The following PDE8B variants were observed in gnomAD, a reference collection of about 807,000 sequenced individuals.
PDE8B encodes high affinity cAMP-specific and IBMX-insensitive 3',5'-cyclic phosphodiesterase 8B.
In PDE8B, 26 loss-of-function variants were observed where a neutral mutation model predicts 101.3. The ratio of observed to expected loss-of-function variants is 0.26; its 90% confidence interval spans 0.19 to 0.36. The LOEUF is 0.36. Among genes scored for constraint, PDE8B ranks in the 10% least tolerant of loss-of-function variants. PDE8B has a pLI of 1.00. For missense variants in PDE8B, 810 were observed against 1,163.1 expected (o/e 0.70, Z 4.42); for synonymous variants, 424 against 429.3 (o/e 0.99, Z 0.15).
At chr5:77,102,547 C>T in the PDE8B span, among the ~76,000 whole-genome samples, 14 of 152,150 alleles carry the variant, frequency 9.2e-5, no homozygotes, top group Admixed American at 2.6e-4. Flanking sequence ...AGCTAGGAAG[C>T]GTTGTTCATT....
intron 11 of PDE8B, among the ~76,000 whole-genome samples, chr5:77,402,528 G>T (rs1258388506): frequency 6.6e-6 from 1 of 152,116 alleles, no homozygotes; most frequent in Non-Finnish European, 1.5e-5. Flanking sequence ...TGGTTAAGAA[G>T]GTGGTCTAGA....
intron 1 of PDE8B, among the ~76,000 whole-genome samples, chr5:77,255,740 G>A (rs1759005908): frequency 6.6e-6 from 1 of 152,214 alleles, no homozygotes; most frequent in Non-Finnish European, 1.5e-5. Context: ...AGGCATGTGT[G>A]GGAAGGTTGA....
chr5:77,232,152 A>G (rs1156277077), intron 1 of PDE8B, among the ~76,000 whole-genome samples: 1 of 152,228 alleles, frequency 6.6e-6, no homozygotes, highest in Non-Finnish European at 1.5e-5. Flanking sequence ...ACTTTGAGAA[A>G]TTTTGCAAGC....
chr5:77,157,290 G>A, the PDE8B span, among the ~76,000 whole-genome samples: 1 of 152,202 alleles, frequency 6.6e-6, no homozygotes, highest in Non-Finnish European at 1.5e-5. Context: ...AGAATAAAAA[G>A]ATATTTGCTA....
the PDE8B span, chr5:77,113,551 A>G: frequency 2.0e-5 from 3 of 152,242 alleles, no homozygotes; most frequent in Non-Finnish European, 4.4e-5. Flanking sequence ...ACCTAAAACC[A>G]TAAAAACCCT....
chr5:77,219,608 A>G (rs1348754350), intron 1 of PDE8B, among the ~76,000 whole-genome samples: 1 of 152,198 alleles, frequency 6.6e-6, no homozygotes, highest in Non-Finnish European at 1.5e-5. Flanking sequence ...AGCAATGACC[A>G]AATGGAGAGA....
At chr5:77,141,518 T>TG in the PDE8B span, 519 of 152,336 alleles carry the variant, frequency 3.4e-3, 4 homozygotes, top group African/African-American at 0.011. Context: ...GCATTGGAAT[T>TG]GTCCTCTGAA....
At chr5:77,274,034 C>T (rs2149795006) in intron 1 of PDE8B, among the ~76,000 whole-genome samples, 1 of 152,164 alleles carries the variant, frequency 6.6e-6, no homozygotes, top group East Asian at 1.9e-4. Context: ...GTTGGTCAGG[C>T]TGGTCTCGAA....
At chr5:77,290,758 C>T (rs749608641) in intron 1 of PDE8B, 39 of 1,489,434 alleles carry the variant, frequency 2.6e-5, no homozygotes, top group Non-Finnish European at 3.5e-5. Context: ...GGAATCATCA[C>T]GGCATTCAAT....
the PDE8B span, among the ~76,000 whole-genome samples, chr5:77,125,225 C>T: frequency 0.11 from 17,300 of 152,148 alleles, 1,077 homozygotes; most frequent in East Asian, 0.16. Context: ...TGGTCTCAAA[C>T]TCCTGGCCTC....
the PDE8B span, among the ~76,000 whole-genome samples, chr5:77,186,274 T>G: frequency 1.3e-5 from 2 of 152,182 alleles, no homozygotes; most frequent in South Asian, 4.1e-4. Context: ...CCTACGCATA[T>G]TAAAGTCATA....
rs551147885 is a variant in PDE8B at position 77,328,373 on chromosome 5, A to C, written c.591-625A>C. Reference sequence around the variant, plus strand: ...AAACTAACTATATCCAGGTGGTCCTAGTACAACAAACATTATATGGTGACA... The same window carrying C: ...AAACTAACTATATCCAGGTGGTCCTCGTACAACAAACATTATATGGTGACA... On this transcript the variant is annotated intron_variant, in intron 3 of 21. Coordinates refer to ENST00000264917, the MANE Select transcript of PDE8B (RefSeq NM_003719.5). Among the ~76,000 whole-genome samples the C allele has an allele frequency of 1.4e-4, 22 of 152,364 alleles. No individual in the cohort carries two copies. In the East Asian group the frequency reaches 4.2e-3, roughly 29 times the overall value.
the PDE8B span, among the ~76,000 whole-genome samples, chr5:77,179,416 T>C: frequency 3.9e-5 from 6 of 152,186 alleles, no homozygotes; most frequent in East Asian, 1.2e-3. Flanking sequence ...AAATGCTCTC[T>C]AGACCTTAGT....
chr5:77,186,538 T>C, the PDE8B span, among the ~76,000 whole-genome samples: 2 of 152,204 alleles, frequency 1.3e-5, no homozygotes, highest in African/African-American at 4.8e-5. Context: ...GGAAGATGAC[T>C]GCAGACTTAC....
intron 1 of PDE8B, among the ~76,000 whole-genome samples, chr5:77,299,245 TG>T (rs2150020276): frequency 6.8e-6 from 1 of 146,726 alleles, no homozygotes; most frequent in African/African-American, 2.5e-5. Flanking sequence ...GTTGTTTTTT[TG>T]TTTGTTTGTT....
intron 5 of PDE8B, among the ~76,000 whole-genome samples, chr5:77,333,556 C>T (rs1407778626): frequency 6.6e-6 from 1 of 152,110 alleles, no homozygotes; most frequent in Non-Finnish European, 1.5e-5. Flanking sequence ...TGGGTTTTAT[C>T]GATCAGGACC....
intron 2 of PDE8B, among the ~76,000 whole-genome samples, chr5:77,323,275 T>G (rs1775421933): frequency 6.6e-6 from 1 of 152,224 alleles, no homozygotes; most frequent in Non-Finnish European, 1.5e-5. Context: ...CTCCTGTTTC[T>G]TCCTGGAAGG....
the PDE8B span, among the ~76,000 whole-genome samples, chr5:77,126,406 G>A: frequency 2.0e-5 from 3 of 152,150 alleles, no homozygotes; most frequent in Non-Finnish European, 4.4e-5. Context: ...TTTGAAAAGT[G>A]AGATCTATCT....
chr5:77,406,434 G>A (rs183912472), intron 12 of PDE8B, among the ~76,000 whole-genome samples: 12 of 152,186 alleles, frequency 7.9e-5, no homozygotes, highest in South Asian at 2.1e-4. Context: ...TGGATTGAGC[G>A]GATAGATAGA....
Sources: gnomAD v4.1 joint callset for allele counts (sites outside exome capture counted in the v4.1 genomes callset) on GRCh38, gnomAD v4.1.1 for gene constraint, MANE v1.5 for transcripts, NCBI Gene and HGNC (gene_info 2026-07-23, HGNC 2026-07-21) for gene names.